ZBTB2: variants seen among roughly 807,000 people sequenced by gnomAD.
ZBTB2 encodes the protein zinc finger and BTB domain-containing protein 2.
In ZBTB2, 2 loss-of-function variants were observed where a neutral mutation model predicts 39.5. That is an observed-to-expected ratio of 0.05 (90% CI 0.02 to 0.16). The LOEUF (loss-of-function observed/expected upper bound fraction) is 0.16. Ranked by LOEUF, ZBTB2 falls within the 10% of genes least tolerant of loss-of-function variation. The pLI, the probability that ZBTB2 is intolerant of heterozygous loss-of-function variation, is 1.00. For synonymous variants in ZBTB2, 251 were observed against 256.6 expected (o/e 0.98, Z 0.21); for missense variants, 391 against 653.0 (o/e 0.60, Z 4.37).
chr6:151,390,823 AGCAGCAGCGGCG>A (rs1252269105), intron 1 of ZBTB2, among the ~76,000 whole-genome samples: 1 of 144,508 alleles, frequency 6.9e-6, no homozygotes, highest in African/African-American at 2.5e-5. Context: ...TTGCCGCCGA[AGCAGCAGCGGCG>A]GCAGCAGCAG....
At chr6:151,376,602 G>A (rs1778914242) in intron 1 of ZBTB2, among the ~76,000 whole-genome samples, 1 of 152,166 alleles carries the variant, frequency 6.6e-6, no homozygotes, top group African/African-American at 2.4e-5. Context: ...ATGAAAAGAT[G>A]TTCGAAACCA....
chr6:151,380,755 T>C (rs986633831), intron 1 of ZBTB2, among the ~76,000 whole-genome samples: 3 of 152,160 alleles, frequency 2.0e-5, no homozygotes, highest in African/African-American at 7.2e-5. Flanking sequence ...TTAATCCCCA[T>C]CCAGGGGTTC....
intron 1 of ZBTB2, among the ~76,000 whole-genome samples, chr6:151,376,116 C>A (rs1778903024): frequency 6.6e-6 from 1 of 152,174 alleles, no homozygotes. Flanking sequence ...GCACGATCTA[C>A]TGGACTTCCA....
At chr6:151,369,632 AAATT>A (rs1179938388) in intron 2 of ZBTB2, among the ~76,000 whole-genome samples, 1 of 152,108 alleles carries the variant, frequency 6.6e-6, no homozygotes, top group African/African-American at 2.4e-5. Context: ...CCTTAAAAAA[AAATT>A]TTTTTTTTTA....
At chr6:151,390,722 G>C (rs1298659577) in intron 1 of ZBTB2, among the ~76,000 whole-genome samples, 1 of 151,846 alleles carries the variant, frequency 6.6e-6, no homozygotes, top group Non-Finnish European at 1.5e-5. Context: ...AAGCGCCAGA[G>C]AGGCCGGGCC....
intron 1 of ZBTB2, among the ~76,000 whole-genome samples, chr6:151,389,304 T>A (rs1188636798): frequency 6.6e-6 from 1 of 152,190 alleles, no homozygotes; most frequent in East Asian, 1.9e-4. Context: ...TTTTAACAGT[T>A]TGAAAACATC....
At chr6:151,390,463 G>A (rs1334830546) in intron 1 of ZBTB2, among the ~76,000 whole-genome samples, 1 of 149,924 alleles carries the variant, frequency 6.7e-6, no homozygotes, top group African/African-American at 2.4e-5. Context: ...CTCGCCCCAA[G>A]TCCCGCGGAG....
At chr6:151,376,006 G>C (rs1378059087) in intron 1 of ZBTB2, among the ~76,000 whole-genome samples, 2 of 152,170 alleles carry the variant, frequency 1.3e-5, no homozygotes, top group Non-Finnish European at 2.9e-5. Flanking sequence ...GAACAAAACT[G>C]TGAACCCAGA....
At chr6:151,391,254 C>T (rs1419347889) in intron 1 of ZBTB2, among the ~76,000 whole-genome samples, 166 bp downstream of exon 1, 2 of 151,834 alleles carry the variant, frequency 1.3e-5, no homozygotes, top group African/African-American at 2.4e-5. Context: ...CCTGCCTGCA[C>T]CCGTAGCCCT....
At chr6:151,369,604 G>A (rs944382244) in intron 2 of ZBTB2, among the ~76,000 whole-genome samples, 1 of 152,082 alleles carries the variant, frequency 6.6e-6, no homozygotes, top group African/African-American at 2.4e-5. Flanking sequence ...GATTACAGGC[G>A]TGAACCACTG....
At chr6:151,368,199 T>G (rs996814454) in intron 2 of ZBTB2, among the ~76,000 whole-genome samples, 3 of 152,232 alleles carry the variant, frequency 2.0e-5, no homozygotes, top group Non-Finnish European at 1.5e-5. Flanking sequence ...CAGGCTGGAC[T>G]GCAGTGGTGC....
chr6:151,376,860 T>A (rs1030971994), intron 1 of ZBTB2, among the ~76,000 whole-genome samples: 2 of 152,198 alleles, frequency 1.3e-5, no homozygotes, highest in African/African-American at 4.8e-5. Context: ...CCCAGAGGAA[T>A]GAAAACTTAT....
At chr6:151,378,206 C>T (rs1308950510) in intron 1 of ZBTB2, 1 of 152,104 alleles carries the variant, frequency 6.6e-6, no homozygotes, top group African/African-American at 2.4e-5. Flanking sequence ...CTAAAATAGA[C>T]AAATGTAATG....
At chr6:151,371,444 T>C (rs1258031307) in intron 2 of ZBTB2, among the ~76,000 whole-genome samples, 1 of 149,796 alleles carries the variant, frequency 6.7e-6, no homozygotes, top group East Asian at 2.1e-4. Context: ...TCACTGTCGT[T>C]TGTTTTGTTT....
Position 151,365,419 on chromosome 6 carries a change from C to A in ZBTB2, c.*102G>T. On this transcript the variant is annotated 3_prime_UTR_variant, in exon 3 of 3. Transcript: ENST00000325144. This position sits in a 1 kb window ranked among gnomAD's most constrained non-coding sequence, Gnocchi z 5.6. ...GGGGAAGAGGAGAAGAGAACAAGGACCTGTTTGTATCATGCCATGGAGAAC... is the reference window on the plus strand; with the variant it reads ...GGGGAAGAGGAGAAGAGAACAAGGAACTGTTTGTATCATGCCATGGAGAAC... 1 of 1,346,806 alleles carries A rather than the reference C, an allele frequency of 7.4e-7. No individual in the cohort carries two copies. Among genetic ancestry groups the A allele is most frequent in the Non-Finnish European group, 1.0e-6 (1 of 982,734 alleles). The allele number at this position is 1,346,806 out of a possible 1,614,324, so 83.4% of individuals were successfully genotyped here. A position where few individuals can be genotyped will look rare whatever the true frequency, so the allele number is the denominator to read the frequency against.
In ZBTB2 at chr6:151,364,352, C is replaced by T. The variant is rs1267722090; in HGVS notation, c.*1169G>A. 3 of 152,022 alleles carry T rather than the reference C, an allele frequency of 2.0e-5. No homozygotes were observed. The highest frequency in any genetic ancestry group is 4.8e-5 in the African/African-American group (2 of 41,280). 9.4% of individuals were successfully genotyped at this position (152,022 alleles called of 1,614,324 possible). On this transcript the variant is annotated 3_prime_UTR_variant, in exon 3 of 3. Coordinates refer to ENST00000325144, the MANE Select transcript of ZBTB2 (RefSeq NM_020861.3). ...ATTAATGAACAATTTTTACTGCTTT[C>T]GGGCCAATGGAGAAAATTTCAGGCA... is the stretch of plus-strand genomic sequence containing the variant.
In ZBTB2 at chr6:151,374,930, T is replaced by TAAA. The variant is rs71556221; in HGVS notation, c.-12-1284_-12-1282dup. ...CAACATGGTGAAACCCCGTCTCTAC[T>TAAA]AAAAAAAAAAAAAAAAAAAAAAAAC... On this transcript the variant is annotated intron_variant, in intron 1 of 2. Transcript: ENST00000325144. 4.7e-3 allele frequency among the ~76,000 whole-genome samples: 295 copies of TAAA among 62,544 alleles called. 2 individuals carry two copies. The highest frequency in any genetic ancestry group is 7.8e-3 in the East Asian group (15 of 1,916). 41.0% of individuals were successfully genotyped at this position (62,544 alleles called of 152,430 possible).
At chr6:151,383,276 C>A (rs2114876470) in intron 1 of ZBTB2, among the ~76,000 whole-genome samples, 1 of 152,178 alleles carries the variant, frequency 6.6e-6, no homozygotes, top group East Asian at 1.9e-4. Flanking sequence ...TCTTGAACTC[C>A]TGGGTTCAAG....
intron 2 of ZBTB2, among the ~76,000 whole-genome samples, chr6:151,371,500 G>T (rs911803626): frequency 1.3e-5 from 2 of 152,168 alleles, no homozygotes; most frequent in Non-Finnish European, 2.9e-5. Flanking sequence ...TCAGGGAGTG[G>T]GCAGGATACC....
Sources: gnomAD v4.1 joint callset for allele counts (sites outside exome capture counted in the v4.1 genomes callset) on GRCh38, gnomAD v4.1.1 for gene constraint, Gnocchi (gnomAD v3.1) non-coding constraint, MANE v1.5 for transcripts, NCBI Gene and HGNC (gene_info 2026-07-23, HGNC 2026-07-21) for gene names.